Variants in CSNK1G1 observed in about 807,000 individuals in gnomAD.
CSNK1G1 encodes the protein casein kinase 1 gamma 1.
CSNK1G1 carries 22 observed loss-of-function variants against 59.6 expected under a neutral mutation model. That is an observed-to-expected ratio of 0.37 (90% CI 0.26 to 0.53). The LOEUF (loss-of-function observed/expected upper bound fraction) is 0.53, where lower values mean the gene tolerates loss of function less well. Among genes scored for constraint, CSNK1G1 ranks in the 20% least tolerant of loss-of-function variants. The pLI is 0.89. For synonymous variants in CSNK1G1, 179 were observed against 177.1 expected, an observed-to-expected ratio of 1.01 and a Z score of -0.08; for missense variants, 384 against 519.5, an observed-to-expected ratio of 0.74 and a Z score of 2.54.
Position 64,216,244 on chromosome 15 carries a change from A to G in CSNK1G1, c.444+318T>C, listed in dbSNP as rs537188991. 3.9e-5 allele frequency among the ~76,000 whole-genome samples: 6 copies of G among 152,128 alleles called. No individual in the cohort carries two copies. In the South Asian group the frequency reaches 1.2e-3, roughly 32 times the overall value. On this transcript the variant is annotated intron_variant, in intron 5 of 11. Coordinates refer to ENST00000303052, the MANE Select transcript of CSNK1G1 (RefSeq NM_022048.5). This position sits in a 1 kb window ranked among gnomAD's most constrained non-coding sequence, Gnocchi z 4.6. ...TCAAAAATGAAAAACAAAACAAAAC[A>G]AAATCAAATAAATTATTCACATTTT...
intron 1 of CSNK1G1, among the ~76,000 whole-genome samples, chr15:64,313,798 A>G (rs1896122331): frequency 6.6e-6 from 1 of 151,640 alleles, no homozygotes; most frequent in Admixed American, 6.6e-5. Flanking sequence ...GGAGAAAAAA[A>G]AAAAAACCCC....
rs911073003 is a variant in CSNK1G1 at position 64,170,808 on chromosome 15, T to C, written c.*1123A>G. The C allele has an allele frequency of 6.6e-6, 1 of 152,650 alleles. No homozygotes were observed. Among genetic ancestry groups the C allele is most frequent in the South Asian group, 2.1e-4 (1 of 4,822 alleles). 9.5% of individuals were successfully genotyped at this position (152,650 alleles called of 1,614,324 possible). On this transcript the variant is annotated 3_prime_UTR_variant, in exon 12 of 12. Coordinates refer to ENST00000303052, the MANE Select transcript of CSNK1G1 (RefSeq NM_022048.5). ...AAGCATCTCCTTCTCTGGGATGAGC[T>C]GTTTCCTGGTCACAGTCTGGCTCGG...
rs984015624 is a variant in CSNK1G1 at position 64,171,680 on chromosome 15, C to G, written c.*251G>C. ...ATGGGAAGGAGAGTCAACCAGGCAG[C>G]CCTATGGGCAAGCAGTGGAGGAACA... On this transcript the variant is annotated 3_prime_UTR_variant, in exon 12 of 12. Transcript: ENST00000303052. This position sits in a 1 kb window ranked among gnomAD's most constrained non-coding sequence, Gnocchi z 4.8. 8.9e-6 allele frequency: 5 copies of G among 562,796 alleles called. No homozygotes were observed. The highest frequency in any genetic ancestry group is 1.6e-5 in the Non-Finnish European group (5 of 314,964). The allele number at this position is 562,796 out of a possible 1,614,324, so 34.9% of individuals were successfully genotyped here.
intron 10 of CSNK1G1, among the ~76,000 whole-genome samples, chr15:64,191,618 T>A (rs1320507539): frequency 6.6e-6 from 1 of 152,202 alleles, no homozygotes; most frequent in African/African-American, 2.4e-5. Context: ...ACCAAGACAT[T>A]TTTCAAAGGC....
At chr15:64,352,447 C>CTTCTTTTTTT (rs1566958699) in intron 1 of CSNK1G1, among the ~76,000 whole-genome samples, 2 of 89,412 alleles carry the variant, frequency 2.2e-5, no homozygotes, top group Non-Finnish European at 4.1e-5. Flanking sequence ...TTGAATTCTT[C>CTTCTTTTTTT]TTTTTTTTTT....
At chr15:64,274,584 T>C (rs1893504693) in intron 2 of CSNK1G1, among the ~76,000 whole-genome samples, 2 of 152,218 alleles carry the variant, frequency 1.3e-5, no homozygotes, top group African/African-American at 4.8e-5. Context: ...GGTTCCTTTA[T>C]TCTTAATAGA....
intron 4 of CSNK1G1, among the ~76,000 whole-genome samples, chr15:64,220,746 A>T (rs1252461591): frequency 2.6e-5 from 4 of 151,208 alleles, no homozygotes; most frequent in Non-Finnish European, 4.4e-5. Flanking sequence ...TAGAGATGAG[A>T]TTTCACCATG....
intron 2 of CSNK1G1, among the ~76,000 whole-genome samples, chr15:64,268,400 C>T (rs1893095893): frequency 1.3e-5 from 2 of 152,046 alleles, no homozygotes; most frequent in Non-Finnish European, 2.9e-5. Context: ...TTCTAGTGTT[C>T]TATTAAGTAG....
intron 4 of CSNK1G1, among the ~76,000 whole-genome samples, chr15:64,229,962 C>T (rs1002973621): frequency 6.4e-5 from 7 of 108,994 alleles, no homozygotes; most frequent in African/African-American, 2.0e-4. Context: ...CACTCTGTCG[C>T]CCAGGCTGGA....
intron 4 of CSNK1G1, among the ~76,000 whole-genome samples, chr15:64,223,833 A>G (rs1038697238): frequency 6.6e-5 from 10 of 152,228 alleles, no homozygotes; most frequent in African/African-American, 2.2e-4. Context: ...AGCTGCACAG[A>G]ATAGGCAATG....
intron 1 of CSNK1G1, among the ~76,000 whole-genome samples, chr15:64,351,753 C>A (rs866470346): frequency 6.6e-6 from 1 of 152,126 alleles, no homozygotes; most frequent in Admixed American, 6.5e-5. Context: ...CTGGCGCACA[C>A]CTGTAATCCC....
intron 4 of CSNK1G1, among the ~76,000 whole-genome samples, chr15:64,238,268 A>T (rs1268704453): frequency 6.6e-6 from 1 of 151,352 alleles, no homozygotes; most frequent in East Asian, 1.9e-4. Flanking sequence ...ATACGCACAT[A>T]AAAAAAATCT....
chr15:64,322,910 C>G (rs1191089641), intron 1 of CSNK1G1, among the ~76,000 whole-genome samples: 1 of 151,694 alleles, frequency 6.6e-6, no homozygotes, highest in Non-Finnish European at 1.5e-5. Flanking sequence ...ATGCACTGCA[C>G]TTTTACATTC....
At chr15:64,292,928 T>C (rs1219304046) in intron 2 of CSNK1G1, among the ~76,000 whole-genome samples, 1 of 151,868 alleles carries the variant, frequency 6.6e-6, no homozygotes, top group Non-Finnish European at 1.5e-5. Context: ...CTCCATCTCA[T>C]AAATAAATAA....
At position 64,171,908 on chromosome 15, in the gene CSNK1G1, TGAGGACTCCTGG is replaced by T. The variant is rs1194706323; in HGVS notation, c.*11_*22del. The T allele has an allele frequency of 6.2e-7, 1 of 1,606,634 alleles. No homozygotes were observed. The highest frequency in any genetic ancestry group is 1.1e-5 in the South Asian group (1 of 90,936). Reference sequence around the variant, plus strand: ...CAATTGAGTCAGAGTCCCCAGGGCCTGAGGACTCCTGGGAGGCACTGGTCACTTGTGGCGCTG... The same window carrying T: ...CAATTGAGTCAGAGTCCCCAGGGCCTGAGGCACTGGTCACTTGTGGCGCTG... On this transcript the variant is annotated 3_prime_UTR_variant, in exon 12 of 12. Transcript: ENST00000303052. The surrounding 1 kb of genome is among the most constrained non-coding windows in gnomAD (Gnocchi z 4.8).
At chr15:64,350,546 G>A (rs1448619808) in intron 1 of CSNK1G1, among the ~76,000 whole-genome samples, 1 of 151,910 alleles carries the variant, frequency 6.6e-6, no homozygotes, top group East Asian at 1.9e-4. Flanking sequence ...AGAATTAAAA[G>A]ATGCATGAAG....
intron 1 of CSNK1G1, among the ~76,000 whole-genome samples, chr15:64,347,737 G>A (rs1379297274): frequency 1.3e-5 from 2 of 152,158 alleles, no homozygotes; most frequent in African/African-American, 2.4e-5. Context: ...GCCAGGCACA[G>A]TGGCTCCTAC....
chr15:64,175,293 C>T (rs1365986932), intron 11 of CSNK1G1, among the ~76,000 whole-genome samples: 1 of 152,146 alleles, frequency 6.6e-6, no homozygotes, highest in Non-Finnish European at 1.5e-5. Context: ...GTTCAGAAAC[C>T]AGTGCCCAAC....
intron 11 of CSNK1G1, among the ~76,000 whole-genome samples, chr15:64,173,525 C>T (rs2081700827): frequency 6.6e-6 from 1 of 151,464 alleles, no homozygotes; most frequent in South Asian, 2.1e-4. Context: ...AAGTGACCAA[C>T]ATTTTTGATT....
Sources: gnomAD v4.1 joint callset for allele counts (sites outside exome capture counted in the v4.1 genomes callset) on GRCh38, gnomAD v4.1.1 for gene constraint, Gnocchi (gnomAD v3.1) non-coding constraint, MANE v1.5 for transcripts, NCBI Gene and HGNC (gene_info 2026-07-23, HGNC 2026-07-21) for gene names.